KLHL29: variants seen among roughly 807,000 people sequenced by gnomAD.
The protein encoded by KLHL29 is kelch-like protein 29.
A neutral mutation model predicts 80.4 loss-of-function variants in KLHL29; 21 were observed. The ratio of observed to expected loss-of-function variants is 0.26; its 90% CI spans 0.19 to 0.38. The LOEUF is 0.38. Ranked by LOEUF, KLHL29 falls within the 10% of genes least tolerant of loss-of-function variation. The probability of loss-of-function intolerance (pLI) is 1.00; values close to 1 mark genes in which losing one functional copy is unlikely to be tolerated. For missense variants in KLHL29, 867 were observed against 1,223.9 expected (o/e 0.71, Z 4.35); for synonymous variants, 511 against 526.8 (o/e 0.97, Z 0.41).
chr2:23,650,478 C>T (rs111817662), intron 5 of KLHL29, among the ~76,000 whole-genome samples: 4 of 152,128 alleles, frequency 2.6e-5, no homozygotes, highest in African/African-American at 4.8e-5. Context: ...ACGCCAAGCC[C>T]GGGGAGCCTG....
chr2:23,693,263 C>A lies in KLHL29; in HGVS notation c.1283-6C>A. On this transcript the variant is annotated splice_region_variant and splice_polypyrimidine_tract_variant and intron_variant, in intron 7 of 13. Transcript: ENST00000486442. ...TGGGTCAGTGGTCCTGCGCTGTCGCCCCCAGAGAAGCAGCTGACGGCCAGC... is the reference window on the plus strand; with the variant it reads ...TGGGTCAGTGGTCCTGCGCTGTCGCACCCAGAGAAGCAGCTGACGGCCAGC... 6.5e-7 allele frequency: 1 copy of A among 1,540,352 alleles called. No homozygotes were observed. Among genetic ancestry groups the A allele is most frequent in the Non-Finnish European group, 8.8e-7 (1 of 1,139,778 alleles).
intron 3 of KLHL29, among the ~76,000 whole-genome samples, chr2:23,605,773 G>GTT (rs34164678): frequency 2.9e-4 from 42 of 142,926 alleles, no homozygotes; most frequent in Non-Finnish European, 4.6e-4. Context: ...TGGGAAAACC[G>GTT]TTTTTTTTTT....
intron 1 of KLHL29, among the ~76,000 whole-genome samples, chr2:23,404,690 A>G (rs1227578473): frequency 6.6e-6 from 1 of 152,186 alleles, no homozygotes; most frequent in Non-Finnish European, 1.5e-5. Flanking sequence ...ATTGAGTTGT[A>G]TGTATGCTTC....
At chr2:23,451,565 C>T (rs775481460) in intron 1 of KLHL29, among the ~76,000 whole-genome samples, 3 of 152,222 alleles carry the variant, frequency 2.0e-5, no homozygotes, top group Admixed American at 6.5e-5. Context: ...CTCATGGCCC[C>T]ACTTGAGGCT....
chr2:23,660,414 G>A (rs1245311564), intron 5 of KLHL29, among the ~76,000 whole-genome samples: 2 of 152,204 alleles, frequency 1.3e-5, no homozygotes, highest in Non-Finnish European at 2.9e-5. Context: ...AGGGTTCCCA[G>A]CCACCATCCC....
intron 1 of KLHL29, among the ~76,000 whole-genome samples, chr2:23,443,307 G>T (rs758468590): frequency 6.6e-6 from 1 of 152,138 alleles, no homozygotes; most frequent in Non-Finnish European, 1.5e-5. Context: ...ACATTCTCCT[G>T]CTTTGCCACA....
intron 2 of KLHL29, among the ~76,000 whole-genome samples, chr2:23,521,873 A>G (rs2103470401): frequency 6.6e-6 from 1 of 152,354 alleles, no homozygotes; most frequent in South Asian, 2.1e-4. Flanking sequence ...GGGGTCCCGT[A>G]GAGGTAGTTG....
At chr2:23,527,603 G>A (rs1386064843) in intron 2 of KLHL29, among the ~76,000 whole-genome samples, 1 of 152,258 alleles carries the variant, frequency 6.6e-6, no homozygotes, top group Non-Finnish European at 1.5e-5. Context: ...TCTCAGCGAA[G>A]AGTCGGCTTG....
intron 1 of KLHL29, among the ~76,000 whole-genome samples, chr2:23,396,545 C>G (rs191790975): frequency 7.2e-4 from 109 of 152,248 alleles, no homozygotes; most frequent in East Asian, 1.9e-4. Flanking sequence ...AGGTGCATAC[C>G]TCATTTGGAA....
intron 3 of KLHL29, among the ~76,000 whole-genome samples, chr2:23,637,365 T>C (rs1669642854): frequency 6.6e-6 from 1 of 152,152 alleles, no homozygotes; most frequent in Non-Finnish European, 1.5e-5. Context: ...CCTAAGACTA[T>C]TAGTGAGTGC....
chr2:23,675,774 C>T (rs950988134), intron 5 of KLHL29, among the ~76,000 whole-genome samples: 2 of 152,204 alleles, frequency 1.3e-5, no homozygotes, highest in Admixed American at 6.5e-5. Context: ...GCAGGGTTAT[C>T]GCCGTTATTA....
At chr2:23,678,125 T>A (rs1243390035) in intron 5 of KLHL29, among the ~76,000 whole-genome samples, 1 of 152,200 alleles carries the variant, frequency 6.6e-6, no homozygotes, top group Admixed American at 6.5e-5. Flanking sequence ...ATAACTTGTG[T>A]CGTTTGGTGA....
intron 2 of KLHL29, among the ~76,000 whole-genome samples, chr2:23,484,383 T>C (rs1664875418): frequency 6.6e-6 from 1 of 152,184 alleles, no homozygotes; most frequent in Admixed American, 6.5e-5. Flanking sequence ...TAGATAAAAG[T>C]GTCTGGCTCG....
At chr2:23,548,146 G>A (rs1015005790) in intron 2 of KLHL29, among the ~76,000 whole-genome samples, 1 of 152,184 alleles carries the variant, frequency 6.6e-6, no homozygotes, top group Non-Finnish European at 1.5e-5. Flanking sequence ...CCAACCTCAT[G>A]GGGTTAAAGA....
intron 3 of KLHL29, among the ~76,000 whole-genome samples, chr2:23,566,260 A>G (rs1157511272): frequency 6.6e-6 from 1 of 152,194 alleles, no homozygotes; most frequent in Non-Finnish European, 1.5e-5. Context: ...CATGGCTCAG[A>G]CCAATCAGCA....
intron 2 of KLHL29, among the ~76,000 whole-genome samples, chr2:23,488,512 T>C (rs904158718): frequency 6.6e-6 from 1 of 152,210 alleles, no homozygotes; most frequent in African/African-American, 2.4e-5. Flanking sequence ...ACCCAGCTCC[T>C]GTGTCTGGGG....
At chr2:23,670,979 TCCCTCCCTCCCTCCCTCCCTCC>T (rs1558432956) in intron 5 of KLHL29, among the ~76,000 whole-genome samples, 2 of 6,052 alleles carry the variant, frequency 3.3e-4, no homozygotes, top group East Asian at 0.013. Flanking sequence ...TCTCTCTCTC[TCCCTCCCTCCCTCCCTCCCTCC>T]CCCCCCCCAC....
chr2:23,658,495 A>G (rs1282811702), intron 5 of KLHL29, among the ~76,000 whole-genome samples: 1 of 152,114 alleles, frequency 6.6e-6, no homozygotes, highest in Non-Finnish European at 1.5e-5. Flanking sequence ...CACAGGCCCC[A>G]CGTCCCCTTG....
intron 3 of KLHL29, among the ~76,000 whole-genome samples, chr2:23,578,527 CTGT>C (rs1667898111): frequency 6.6e-6 from 1 of 152,222 alleles, no homozygotes; most frequent in African/African-American, 2.4e-5. Context: ...TAAGCATGAT[CTGT>C]TATTATTACC....
Sources: allele counts gnomAD v4.1 joint callset (sites outside exome capture counted in the v4.1 genomes callset), GRCh38; gene constraint gnomAD v4.1.1; transcripts MANE v1.5; gene names NCBI Gene and HGNC (gene_info 2026-07-23, HGNC 2026-07-21).